NLGN1: variants seen among roughly 807,000 people sequenced by gnomAD.
NLGN1 encodes the protein neuroligin-1.
A neutral mutation model predicts 65.5 loss-of-function variants in NLGN1; 12 were observed. That is an observed-to-expected ratio of 0.18 (90% CI 0.12 to 0.30). The LOEUF (loss-of-function observed/expected upper bound fraction) is 0.30, where lower values mean the gene tolerates loss of function less well. Among genes scored for constraint, NLGN1 ranks in the 10% least tolerant of loss-of-function variants. The probability of loss-of-function intolerance (pLI) is 1.00; values close to 1 mark genes in which losing one functional copy is unlikely to be tolerated. For missense variants in NLGN1, 750 were observed against 1,007.1 expected (o/e 0.74, Z 3.46); for synonymous variants, 350 against 359.5 (o/e 0.97, Z 0.30).
intron 3 of NLGN1, among the ~76,000 whole-genome samples, chr3:173,607,384 T>C (rs1241511891): frequency 6.6e-6 from 1 of 151,876 alleles, no homozygotes; most frequent in Non-Finnish European, 1.5e-5. Context: ...ATTCTAAAAA[T>C]CATTTTGGCT....
chr3:173,880,759 G>C (rs1018750769), intron 4 of NLGN1, among the ~76,000 whole-genome samples: 1 of 152,090 alleles, frequency 6.6e-6, no homozygotes, highest in Non-Finnish European at 1.5e-5. Context: ...ATTTCTTAAA[G>C]TAAGACAACA....
intron 4 of NLGN1, among the ~76,000 whole-genome samples, chr3:174,274,346 A>ATGTT (rs1357799081): frequency 3.3e-5 from 5 of 151,904 alleles, no homozygotes; most frequent in Non-Finnish European, 5.9e-5. Context: ...ATGAGTGAAT[A>ATGTT]TGTTTAAGAT....
chr3:173,883,537 T>C (rs971622160), intron 4 of NLGN1, among the ~76,000 whole-genome samples: 1 of 152,172 alleles, frequency 6.6e-6, no homozygotes, highest in East Asian at 1.9e-4. Context: ...GGTGCTGATA[T>C]ACTTGATTGA....
chr3:173,765,764 A>T (rs1024401910), intron 3 of NLGN1, among the ~76,000 whole-genome samples: 2 of 152,086 alleles, frequency 1.3e-5, no homozygotes, highest in Admixed American at 6.6e-5. Flanking sequence ...TGTTTCTCAC[A>T]CTTTTATTGC....
intron 3 of NLGN1, among the ~76,000 whole-genome samples, chr3:173,657,934 CTG>C (rs376954983): frequency 3.2e-3 from 491 of 151,748 alleles, no homozygotes; most frequent in African/African-American, 0.011. Context: ...CCTGATTGTA[CTG>C]GTAGAGTAAT....
chr3:173,824,925 G>C (rs1349504870), intron 4 of NLGN1, among the ~76,000 whole-genome samples: 1 of 151,952 alleles, frequency 6.6e-6, no homozygotes, highest in Non-Finnish European at 1.5e-5. Flanking sequence ...GACTAGCGTT[G>C]AACACCATGA....
At chr3:173,472,171 G>C (rs747528628) in intron 2 of NLGN1, among the ~76,000 whole-genome samples, 1 of 152,070 alleles carries the variant, frequency 6.6e-6, no homozygotes, top group Non-Finnish European at 1.5e-5. Flanking sequence ...ATAGGATGCT[G>C]ATTACATTAA....
At chr3:173,810,498 A>G (rs997126006) in intron 4 of NLGN1, among the ~76,000 whole-genome samples, 6 of 152,206 alleles carry the variant, frequency 3.9e-5, no homozygotes, top group African/African-American at 1.4e-4. Flanking sequence ...CCAATGGACA[A>G]ACTGGGTAAT....
At chr3:173,722,997 A>T (rs1490830470) in intron 3 of NLGN1, among the ~76,000 whole-genome samples, 1 of 152,222 alleles carries the variant, frequency 6.6e-6, no homozygotes, top group Non-Finnish European at 1.5e-5. Flanking sequence ...ATGACGGTTA[A>T]ACAGAGACCT....
At chr3:173,408,014 A>G (rs1368770968) in intron 1 of NLGN1, among the ~76,000 whole-genome samples, 2 of 152,214 alleles carry the variant, frequency 1.3e-5, no homozygotes. Flanking sequence ...GTTGATACAA[A>G]ATCAAGCTGA....
intron 4 of NLGN1, among the ~76,000 whole-genome samples, chr3:174,265,261 G>A (rs546132443): frequency 1.5e-3 from 234 of 151,676 alleles, no homozygotes; most frequent in African/African-American, 5.6e-3. Context: ...GGGCAATGGC[G>A]GGCGCCACTC....
At chr3:174,174,197 T>TAC (rs1729040946) in intron 4 of NLGN1, among the ~76,000 whole-genome samples, 1 of 152,094 alleles carries the variant, frequency 6.6e-6, no homozygotes, top group Admixed American at 6.6e-5. Flanking sequence ...TGTATATATA[T>TAC]ACCACAGTTT....
At chr3:173,997,136 T>C (rs1489220535) in intron 4 of NLGN1, among the ~76,000 whole-genome samples, 1 of 152,144 alleles carries the variant, frequency 6.6e-6, no homozygotes, top group Non-Finnish European at 1.5e-5. Context: ...GTCATGGTCA[T>C]AAAAATTTAG....
intron 3 of NLGN1, among the ~76,000 whole-genome samples, chr3:173,759,107 A>G (rs1777574952): frequency 6.6e-6 from 1 of 151,898 alleles, no homozygotes; most frequent in Non-Finnish European, 1.5e-5. Context: ...CATGTACCCT[A>G]GAATCTCAAT....
chr3:173,702,513 C>G (rs1767381138), intron 3 of NLGN1, among the ~76,000 whole-genome samples: 1 of 152,148 alleles, frequency 6.6e-6, no homozygotes, highest in Admixed American at 6.5e-5. Context: ...TTATCATGTG[C>G]AAGGACTTTT....
intron 2 of NLGN1, among the ~76,000 whole-genome samples, chr3:173,543,802 C>G (rs1739296135): frequency 1.3e-5 from 2 of 152,080 alleles, no homozygotes; most frequent in South Asian, 2.1e-4. Flanking sequence ...CAGACACAAT[C>G]TTTGCACTCA....
At chr3:174,108,395 C>G (rs1714441645) in intron 4 of NLGN1, among the ~76,000 whole-genome samples, 1 of 152,032 alleles carries the variant, frequency 6.6e-6, no homozygotes, top group South Asian at 2.1e-4. Context: ...TTTTTGTCTG[C>G]ACTCCCTGGT....
chr3:173,742,746 T>C (rs538440716), intron 3 of NLGN1, among the ~76,000 whole-genome samples: 1 of 152,278 alleles, frequency 6.6e-6, no homozygotes, highest in South Asian at 2.1e-4. Flanking sequence ...CTAGACATTT[T>C]TGCAAGGGAG....
At chr3:174,224,716 A>G (rs1282210081) in intron 4 of NLGN1, among the ~76,000 whole-genome samples, 2 of 152,114 alleles carry the variant, frequency 1.3e-5, no homozygotes, top group African/African-American at 2.4e-5. Context: ...AAGGAAATCT[A>G]TGCACTCACC....
Sources: gnomAD v4.1 joint callset for allele counts (sites outside exome capture counted in the v4.1 genomes callset) on GRCh38, gnomAD v4.1.1 for gene constraint, MANE v1.5 for transcripts, NCBI Gene and HGNC (gene_info 2026-07-23, HGNC 2026-07-21) for gene names.